AGFG1: variants seen among roughly 807,000 people sequenced by gnomAD.
AGFG1 encodes ArfGAP with FG repeats 1.
Under a neutral mutation model 60.6 loss-of-function variants are expected in AGFG1, and 10 were observed. The observed-to-expected ratio is 0.16, with a 90% CI of 0.10 to 0.28. The LOEUF (loss-of-function observed/expected upper bound fraction) is 0.28. Ranked by LOEUF, AGFG1 falls within the 10% of genes least tolerant of loss-of-function variation. AGFG1 has a pLI of 1.00. For missense variants in AGFG1, 537 were observed against 676.5 expected (o/e 0.79, Z 2.29); for synonymous variants, 247 against 242.9 (o/e 1.02, Z -0.16).
intron 2 of AGFG1, among the ~76,000 whole-genome samples, chr2:227,505,403 T>C (rs1691281895): frequency 6.6e-6 from 1 of 152,196 alleles, no homozygotes. Context: ...TCCAAATATT[T>C]TTTCTGCCTC....
At position 227,536,616 on chromosome 2, in the gene AGFG1, T is replaced by A; in HGVS notation, c.1206-9T>A. 1 of 1,611,740 alleles carries A rather than the reference T, an allele frequency of 6.2e-7. No homozygotes were observed. Among genetic ancestry groups the A allele is most frequent in the Non-Finnish European group, 8.5e-7 (1 of 1,178,762 alleles). ...AAAAAAAATGAACTCTTTCAATATT[T>A]GTTCTCAGCAATGTTTTTGGAACAG... is the stretch of plus-strand genomic sequence containing the variant. On this transcript the variant is annotated splice_polypyrimidine_tract_variant and intron_variant, in intron 8 of 12. Coordinates refer to ENST00000310078, the MANE Select transcript of AGFG1 (RefSeq NM_004504.5).
At chr2:227,524,706 A>C in intron 4 of AGFG1, 56 bp from the exon 5 acceptor site, 1 of 1,580,348 alleles carries the variant, frequency 6.3e-7, no homozygotes, top group Admixed American at 1.7e-5. Context: ...ATAGTTTTGT[A>C]TAAAGATTTT....
At chr2:227,482,251 C>G (rs1690492997) in intron 1 of AGFG1, among the ~76,000 whole-genome samples, 1 of 152,150 alleles carries the variant, frequency 6.6e-6, no homozygotes, top group African/African-American at 2.4e-5. Context: ...CTAAGTGTTA[C>G]AAGGACCTTA....
At chr2:227,525,101 T>G (rs1348279220) in intron 5 of AGFG1, among the ~76,000 whole-genome samples, 186 bp downstream of exon 5, 1 of 152,242 alleles carries the variant, frequency 6.6e-6, no homozygotes, top group Non-Finnish European at 1.5e-5. Flanking sequence ...AGAGATTATA[T>G]TTAATGTCGG....
intron 1 of AGFG1, among the ~76,000 whole-genome samples, chr2:227,479,589 C>T (rs1257254117): frequency 1.3e-5 from 2 of 152,040 alleles, no homozygotes; most frequent in Non-Finnish European, 2.9e-5. Context: ...GTGCAGCGTG[C>T]ATGATGTTCA....
At chr2:227,515,434 C>G (rs1691622138) in intron 2 of AGFG1, among the ~76,000 whole-genome samples, 1 of 152,168 alleles carries the variant, frequency 6.6e-6, no homozygotes, top group Admixed American at 6.5e-5. Context: ...ATTCTCTCTT[C>G]CTGGCTTACT....
At chr2:227,493,275 C>G (rs970257878) in intron 2 of AGFG1, among the ~76,000 whole-genome samples, 2 of 152,112 alleles carry the variant, frequency 1.3e-5, no homozygotes, top group African/African-American at 4.8e-5. Context: ...AATTAATCAT[C>G]TTGTATAACT....
chr2:227,478,712 T>A (rs1690363904), intron 1 of AGFG1, among the ~76,000 whole-genome samples: 1 of 152,228 alleles, frequency 6.6e-6, no homozygotes, highest in Non-Finnish European at 1.5e-5. Context: ...GTCCACTGAT[T>A]AGATTCTTTG....
chr2:227,553,021 AT>A (rs1692867380), intron 11 of AGFG1, among the ~76,000 whole-genome samples: 1 of 150,240 alleles, frequency 6.7e-6, no homozygotes, highest in Non-Finnish European at 1.5e-5. Flanking sequence ...AAAAAAAAAA[AT>A]CTGAAATATG....
At position 227,555,343 on chromosome 2, in the gene AGFG1, A is replaced by G. The variant is rs1055967701; in HGVS notation, c.*848A>G. 1 of 152,576 alleles carries G rather than the reference A, an allele frequency of 6.6e-6. No homozygotes were observed. The highest frequency in any genetic ancestry group is 2.4e-5 in the African/African-American group (1 of 41,448). 9.5% of individuals were successfully genotyped at this position (152,576 alleles called of 1,614,324 possible). ...TTGTCAGATTTACCATAATCCTACT[A>G]ATTTCTTTGCAGCTTATTAATTTTG... On this transcript the variant is annotated 3_prime_UTR_variant, in exon 13 of 13. Coordinates refer to ENST00000310078, the MANE Select transcript of AGFG1 (RefSeq NM_004504.5).
rs11683887 is a variant in AGFG1 at position 227,513,004 on chromosome 2, C to T, written c.262-6944C>T. On this transcript the variant is annotated intron_variant, in intron 2 of 12. Transcript: ENST00000310078. The stretch of plus-strand genomic sequence containing the variant: ...TCTATATAGAGGTTATAAGCAGAGT[C>T]ATGCCATGTGGTTTATTCTTTTTAT... 7.4e-3 allele frequency among the ~76,000 whole-genome samples: 1,127 copies of T among 152,278 alleles called. 9 individuals are homozygous for T. Among genetic ancestry groups the T allele is most frequent in the Middle Eastern group, 0.014 (4 of 294 alleles).
Position 227,482,609 on chromosome 2 carries a change from G to A in AGFG1, c.168-8938G>A, listed in dbSNP as rs59329661. Among the ~76,000 whole-genome samples, 863 of 152,230 alleles carry A rather than the reference G, an allele frequency of 5.7e-3. 9 individuals are homozygous for A. The highest frequency in any genetic ancestry group is 0.019 in the African/African-American group (808 of 41,524). ...ATTGGCAACTACATAAACTTCCACA[G>A]GTTATTAAAAATATTTTTACCAGCT... On this transcript the variant is annotated intron_variant, in intron 1 of 12. Coordinates refer to ENST00000310078, the MANE Select transcript of AGFG1 (RefSeq NM_004504.5).
At chr2:227,475,342 C>G (rs1310744857) in intron 1 of AGFG1, among the ~76,000 whole-genome samples, 1 of 152,158 alleles carries the variant, frequency 6.6e-6, no homozygotes, top group Non-Finnish European at 1.5e-5. Flanking sequence ...GATCATGCCA[C>G]AACTGGACAC....
In AGFG1 at chr2:227,497,601, T is replaced by C. The variant is rs185508152; in HGVS notation, c.261+5961T>C. ...ATTTTTTTTGTTATTGCTCTTAGTT[T>C]CTTCTGTATTGGTCTTACTGCCCTC... is the stretch of plus-strand genomic sequence containing the variant. On this transcript the variant is annotated intron_variant, in intron 2 of 12. Transcript: ENST00000310078. Among the ~76,000 whole-genome samples the C allele has an allele frequency of 3.9e-3, 593 of 152,260 alleles. 3 individuals carry two copies. Among genetic ancestry groups the C allele is most frequent in the South Asian group, 0.023 (109 of 4,824 alleles).
intron 10 of AGFG1, among the ~76,000 whole-genome samples, chr2:227,540,465 G>A (rs28671704): frequency 0.053 from 8,039 of 152,134 alleles, 279 homozygotes; most frequent in African/African-American, 0.086. Context: ...CTGTCCTTGC[G>A]ATAGTTTGCT....
intron 3 of AGFG1, 150 bp from the exon 4 acceptor site, chr2:227,523,612 TA>T: frequency 2.8e-6 from 2 of 720,870 alleles, no homozygotes; most frequent in Non-Finnish European, 4.3e-6. Flanking sequence ...GTTCCTTTTT[TA>T]AAAAATATGC....
Position 227,480,237 on chromosome 2 carries a change from A to G in AGFG1, c.167+7649A>G, listed in dbSNP as rs576229368. 3.3e-5 allele frequency among the ~76,000 whole-genome samples: 5 copies of G among 152,292 alleles called. No homozygotes were observed. In the South Asian group the frequency reaches 1.0e-3, roughly 32 times the overall value. On this transcript the variant is annotated intron_variant, in intron 1 of 12. Transcript: ENST00000310078. ...ATGATCACTGTCATTGGGTAATTTA[A>G]GGCATTGGGAGAGGTAATACATTTA...
At chr2:227,548,271 G>T (rs558086116) in intron 10 of AGFG1, among the ~76,000 whole-genome samples, 1 of 152,262 alleles carries the variant, frequency 6.6e-6, no homozygotes, top group East Asian at 1.9e-4. Flanking sequence ...TCTGATGGTG[G>T]TTGTACATCC....
At position 227,472,269 on chromosome 2, in the gene AGFG1, T is replaced by A. The variant is rs560213652; in HGVS notation, c.-153T>A. 1 of 311,680 alleles carries A rather than the reference T, an allele frequency of 3.2e-6. No individual in the cohort carries two copies. The highest frequency in any genetic ancestry group is 2.3e-5 in the African/African-American group (1 of 44,300). The allele number at this position is 311,680 out of a possible 1,614,324, so 19.3% of individuals were successfully genotyped here. On this transcript the variant is annotated 5_prime_UTR_variant, in exon 1 of 13. Coordinates refer to ENST00000310078, the MANE Select transcript of AGFG1 (RefSeq NM_004504.5). ...AGCGCCCGGGCCGCGTCGAGCCCAG[T>A]ACAGCCAAGCCGCTGCGGCCGGGTC...
Sources: gnomAD v4.1 joint callset for allele counts (sites outside exome capture counted in the v4.1 genomes callset) on GRCh38, gnomAD v4.1.1 for gene constraint, MANE v1.5 for transcripts, NCBI Gene and HGNC (gene_info 2026-07-23, HGNC 2026-07-21) for gene names.